Variants in RALGAPB observed in about 807,000 individuals in gnomAD.
RALGAPB encodes Ral GTPase activating protein non-catalytic subunit beta, also known as ral GTPase-activating protein subunit beta.
In RALGAPB, 25 loss-of-function variants were observed where a neutral mutation model predicts 161.1. The observed-to-expected ratio is 0.16, with a 90% CI of 0.11 to 0.22. The LOEUF (loss-of-function observed/expected upper bound fraction) is 0.22. Ranked by LOEUF, RALGAPB falls within the 10% of genes least tolerant of loss-of-function variation. The pLI is 1.00. For missense variants in RALGAPB, 1,391 were observed against 1,815.2 expected (o/e 0.77, Z 4.25); for synonymous variants, 629 against 626.1 (o/e 1.00, Z -0.07).
chr20:38,532,582 T>G, intron 14 of RALGAPB, 148 bp from the exon 15 acceptor site: 2 of 954,066 alleles, frequency 2.1e-6, no homozygotes. Flanking sequence ...CCACAGTGGT[T>G]TTAATCCCTT....
intron 1 of RALGAPB, among the ~76,000 whole-genome samples, chr20:38,483,044 G>T (rs534915859): frequency 1.3e-5 from 2 of 152,120 alleles, no homozygotes; most frequent in Non-Finnish European, 2.9e-5. Context: ...GTGCCACCAC[G>T]CCTGGCTAAC....
intron 14 of RALGAPB, among the ~76,000 whole-genome samples, chr20:38,531,633 C>T (rs1262060912): frequency 6.6e-6 from 1 of 152,146 alleles, no homozygotes; most frequent in East Asian, 1.9e-4. Context: ...TTTGCAGGTC[C>T]CTCAAAGCAC....
At chr20:38,559,506 C>A (rs2087713650) in intron 23 of RALGAPB, among the ~76,000 whole-genome samples, 1 of 152,210 alleles carries the variant, frequency 6.6e-6, no homozygotes. Flanking sequence ...ACAAGCCTGG[C>A]CAACATGGTG....
intron 16 of RALGAPB, chr20:38,538,475 C>A: frequency 6.1e-6 from 1 of 164,692 alleles, no homozygotes; most frequent in Non-Finnish European, 1.3e-5. Flanking sequence ...AATAGGGTCT[C>A]CTTGGCAGCT....
intron 6 of RALGAPB, among the ~76,000 whole-genome samples, chr20:38,511,745 C>T (rs1038658957): frequency 4.6e-5 from 7 of 152,232 alleles, no homozygotes; most frequent in Non-Finnish European, 1.5e-5. Flanking sequence ...TACACAGACA[C>T]AGTAACATCT....
chr20:38,504,451 T>G (rs967702571), intron 5 of RALGAPB, among the ~76,000 whole-genome samples: 5 of 152,184 alleles, frequency 3.3e-5, no homozygotes, highest in African/African-American at 1.2e-4. Context: ...ATTAAAGATT[T>G]AAATGTAATA....
Position 38,566,048 on chromosome 20 carries a change from T to G in RALGAPB, c.3817+570T>G, listed in dbSNP as rs2087985047. ...TTTGCAAATTAAGCCTGTTTGTTCA[T>G]GCCTGACCGAGTAGGTGGTCTGGCA... On this transcript the variant is annotated intron_variant, in intron 25 of 29. Coordinates refer to ENST00000262879, the MANE Select transcript of RALGAPB (RefSeq NM_020336.4). Among the ~76,000 whole-genome samples, 3 of 152,364 alleles carry G rather than the reference T, an allele frequency of 2.0e-5. No homozygotes were observed. The South Asian group carries it at 6.2e-4, about 32-fold the overall frequency.
intron 21 of RALGAPB, 109 bp from the exon 22 acceptor site, chr20:38,553,758 T>TCAA: frequency 1.2e-6 from 1 of 814,510 alleles, no homozygotes; most frequent in South Asian, 2.0e-5. Context: ...ACCAGCTTGG[T>TCAA]CAACATAGAG....
At chr20:38,550,321 T>G (rs1236930349) in intron 20 of RALGAPB, among the ~76,000 whole-genome samples, 1 of 152,170 alleles carries the variant, frequency 6.6e-6, no homozygotes. Flanking sequence ...TAAAAAAAAT[T>G]TAAAATGTGA....
intron 3 of RALGAPB, among the ~76,000 whole-genome samples, chr20:38,494,906 C>T (rs2085378222): frequency 6.6e-6 from 1 of 152,094 alleles, no homozygotes; most frequent in Non-Finnish European, 1.5e-5. Flanking sequence ...TAGGCTTGTG[C>T]CTTTACTTTT....
chr20:38,530,182 A>G (rs964374450), intron 13 of RALGAPB, among the ~76,000 whole-genome samples: 2 of 152,238 alleles, frequency 1.3e-5, no homozygotes, highest in Non-Finnish European at 2.9e-5. Flanking sequence ...AACTACTCAC[A>G]TGGAGATGGT....
At position 38,532,720 on chromosome 20, in the gene RALGAPB, A is replaced by G. The variant is rs767233204; in HGVS notation, c.2116-10A>G. On this transcript the variant is annotated splice_polypyrimidine_tract_variant and intron_variant, in intron 14 of 29. Transcript: ENST00000262879. ...TGTAATCCTCACTTGATTCATTTTC[A>G]TTTGACTAGGGTGGTGGAGAAAATA... The G allele has an allele frequency of 4.3e-6, 7 of 1,612,470 alleles. No homozygotes were observed. The highest frequency in any genetic ancestry group is 5.1e-6 in the Non-Finnish European group (6 of 1,178,698).
chr20:38,476,680 A>T (rs2084812323), intron 1 of RALGAPB, among the ~76,000 whole-genome samples: 1 of 152,218 alleles, frequency 6.6e-6, no homozygotes, highest in African/African-American at 2.4e-5. Flanking sequence ...AGAAGATCGT[A>T]AGCCAAAAAT....
At chr20:38,503,389 T>C (rs138585510) in intron 5 of RALGAPB, among the ~76,000 whole-genome samples, 69 of 152,298 alleles carry the variant, frequency 4.5e-4, no homozygotes, top group Middle Eastern at 3.4e-3. Flanking sequence ...AACAGGAGTT[T>C]GGAAGAAGTT....
chr20:38,478,712 G>T (rs1303493044), intron 1 of RALGAPB, among the ~76,000 whole-genome samples: 15 of 152,120 alleles, frequency 9.9e-5, no homozygotes, highest in Non-Finnish European at 1.5e-5. Context: ...CACCTCCTGG[G>T]TTCAAGTGAT....
At chr20:38,570,685 A>T in intron 27 of RALGAPB, 84 bp from the exon 28 acceptor site, 2 of 845,990 alleles carry the variant, frequency 2.4e-6, no homozygotes, top group Non-Finnish European at 4.0e-6. Flanking sequence ...TCACTTATGT[A>T]AAGCGATTAG....
chr20:38,534,138 CAAA>C (rs1293283790), intron 15 of RALGAPB, among the ~76,000 whole-genome samples: 2 of 46,962 alleles, frequency 4.3e-5, no homozygotes, highest in Admixed American at 2.2e-4. Context: ...GACTCCATCT[CAAA>C]AAAAAAAAAA....
chr20:38,477,191 C>A (rs1302486625), intron 1 of RALGAPB, among the ~76,000 whole-genome samples: 1 of 152,078 alleles, frequency 6.6e-6, no homozygotes, highest in Admixed American at 6.5e-5. Context: ...CTAGTGTAAC[C>A]AAGGAAGTGA....
chr20:38,525,756 G>A (rs1368861818), intron 12 of RALGAPB, 139 bp from the exon 13 acceptor site: 3 of 909,692 alleles, frequency 3.3e-6, no homozygotes, highest in African/African-American at 1.7e-5. Context: ...CATATTGTTA[G>A]TGACAGATTC....
Sources: allele counts gnomAD v4.1 joint callset (sites outside exome capture counted in the v4.1 genomes callset), GRCh38; gene constraint gnomAD v4.1.1; transcripts MANE v1.5; gene names NCBI Gene and HGNC (gene_info 2026-07-23, HGNC 2026-07-21).